Variants in CR2 observed in about 807,000 individuals in gnomAD.
CR2 encodes complement C3d receptor 2, also known as complement receptor type 2.
CR2 carries 96 observed loss-of-function variants against 123.0 expected under a neutral mutation model. The observed-to-expected ratio is 0.78, with a 90% CI of 0.66 to 0.93. The LOEUF is 0.93. Among genes scored for constraint, CR2 ranks in the 40% least tolerant of loss-of-function variants. CR2 has a pLI of 0.00. For synonymous variants in CR2, 484 were observed against 469.5 expected (o/e 1.03, Z -0.40); for missense variants, 1,258 against 1,361.0 (o/e 0.92, Z 1.19).
At chr1:207,469,005 C>A in intron 4 of CR2, 106 bp downstream of exon 4, 1 of 1,412,332 alleles carries the variant, frequency 7.1e-7, no homozygotes, top group Non-Finnish European at 1.0e-6. Flanking sequence ...TCTGGGCAGT[C>A]TGGGGTAGGG....
rs1404972580 is a variant in CR2, at chr1:207,474,843, A to T, written c.2343A>T (p.Pro781=). Residue 781 remains proline (P), a synonymous_variant, in exon 14 of 20, where the codon CCA becomes CCT. Transcript: ENST00000367057. ...CTGCAGTTATTCACTGTCACCCTCC[A>T]CCAGTGATTGTCAATGGGAAGCACA... ...PLCKVIHCHP[P]PVIVNGKHTG... 1 of 1,613,984 alleles carries T rather than the reference A, an allele frequency of 6.2e-7. No homozygotes were observed. Among genetic ancestry groups the T allele is most frequent in the Non-Finnish European group, 8.5e-7 (1 of 1,179,920 alleles).
intron 18 of CR2, among the ~76,000 whole-genome samples, chr1:207,483,440 G>A (rs773607258): frequency 3.9e-5 from 6 of 152,118 alleles, no homozygotes; most frequent in South Asian, 4.1e-4. Flanking sequence ...TACAGTTAGC[G>A]TGTACTTAGA....
chr1:207,461,174 T>TC (rs1263216486), intron 1 of CR2, among the ~76,000 whole-genome samples: 1 of 151,904 alleles, frequency 6.6e-6, no homozygotes, highest in Non-Finnish European at 1.5e-5. Context: ...TAATATCCGC[T>TC]CCCCCTACCA....
chr1:207,481,259 A>G (rs893916087), intron 18 of CR2, among the ~76,000 whole-genome samples: 1 of 152,028 alleles, frequency 6.6e-6, no homozygotes, highest in Non-Finnish European at 1.5e-5. Flanking sequence ...CAATTTTTTC[A>G]AAACCTATTT....
At chr1:207,475,290 A>G (rs1658406705) in intron 14 of CR2, 74 bp downstream of exon 14, 1 of 1,525,398 alleles carries the variant, frequency 6.6e-7, no homozygotes, top group Admixed American at 1.9e-5. Flanking sequence ...TCTGCACTTG[A>G]CATTCTGCCT....
In CR2 at chr1:207,476,422, G is replaced by A; in HGVS notation, c.2902+3G>A. On this transcript the variant is annotated splice_donor_region_variant and intron_variant, in intron 15 of 19. Transcript: ENST00000367057. ...CCAACCTGCCCCTCATTGTAAAGGT[G>A]CTTTGTCTATTTTTTATTCTTATTT... 1 of 1,612,496 alleles carries A rather than the reference G, an allele frequency of 6.2e-7. No homozygotes were observed. Among genetic ancestry groups the A allele is most frequent in the Non-Finnish European group, 8.5e-7 (1 of 1,179,498 alleles).
At chr1:207,478,525 C>CAAAAAAAAAAAAAAAAAA (rs36116544) in intron 16 of CR2, among the ~76,000 whole-genome samples, 1 of 58,742 alleles carries the variant, frequency 1.7e-5, no homozygotes. Flanking sequence ...AAGACCCTAT[C>CAAAAAAAAAAAAAAAAAA]AAAAAAAAAA....
chr1:207,475,379 T>A (rs182284648), intron 14 of CR2, among the ~76,000 whole-genome samples, 163 bp downstream of exon 14: 1 of 149,542 alleles, frequency 6.7e-6, no homozygotes, highest in African/African-American at 2.6e-5. Context: ...CACTTGATTG[T>A]TTGTTTTCTC....
At chr1:207,467,021 G>A in intron 2 of CR2, 109 bp downstream of exon 2, 2 of 1,297,958 alleles carry the variant, frequency 1.5e-6, no homozygotes, top group Non-Finnish European at 2.1e-6. Context: ...TAATGATGAG[G>A]GTGGAAGAAG....
intron 9 of CR2, among the ~76,000 whole-genome samples, chr1:207,472,520 C>G (rs971174532): frequency 6.6e-6 from 1 of 152,168 alleles, no homozygotes; most frequent in Non-Finnish European, 1.5e-5. Context: ...TAGCAATTTA[C>G]TACTGGGCCT....
intron 1 of CR2, among the ~76,000 whole-genome samples, chr1:207,455,446 A>G (rs1038903024): frequency 1.3e-5 from 2 of 152,232 alleles, no homozygotes; most frequent in African/African-American, 2.4e-5. Context: ...AGTCGTTACT[A>G]CTAAATATCA....
At chr1:207,487,722 T>C (rs1182068778) in intron 19 of CR2, among the ~76,000 whole-genome samples, 2 of 151,618 alleles carry the variant, frequency 1.3e-5, no homozygotes, top group Admixed American at 6.6e-5. Flanking sequence ...GAAAGAGTGA[T>C]GGCAGAAAGA....
At chr1:207,486,914 G>A (rs1411377708) in intron 19 of CR2, among the ~76,000 whole-genome samples, 1 of 152,186 alleles carries the variant, frequency 6.6e-6, no homozygotes, top group Admixed American at 6.5e-5. Context: ...AATAGACTTG[G>A]CAAGAAGACA....
Position 207,472,114 on chromosome 1 carries a change from T to G in CR2, c.1570+615T>G, listed in dbSNP as rs143219239. 286 of 170,874 alleles carry G rather than the reference T, an allele frequency of 1.7e-3. 2 individuals are homozygous for G. Among genetic ancestry groups the G allele is most frequent in the African/African-American group, 6.7e-3 (280 of 41,634 alleles). 10.6% of individuals were successfully genotyped at this position (170,874 alleles called of 1,614,324 possible). A position where few individuals can be genotyped will look rare whatever the true frequency, so the allele number is the denominator to read the frequency against. On this transcript the variant is annotated intron_variant, in intron 9 of 19. Transcript: ENST00000367057. The stretch of plus-strand genomic sequence containing the variant: ...AATACAAAAAATTAGCTGTGTGTGG[T>G]GGCATGCATCTGTGGTCCTAACTAC...
At chr1:207,482,646 T>C (rs1202259485) in intron 18 of CR2, among the ~76,000 whole-genome samples, 5 of 152,122 alleles carry the variant, frequency 3.3e-5, no homozygotes, top group Non-Finnish European at 7.4e-5. Flanking sequence ...ACAAGTACCA[T>C]AAAATAACGT....
Position 207,476,403 on chromosome 1 carries a change from T to C in CR2, c.2886T>C (p.Pro962=). 1 of 1,613,588 alleles carries C rather than the reference T, an allele frequency of 6.2e-7. No individual in the cohort carries two copies. Among genetic ancestry groups the C allele is most frequent in the Non-Finnish European group, 8.5e-7 (1 of 1,179,820 alleles). The change falls in exon 15 of 20, where the codon CCT becomes CCC. Residue 962 remains proline, a synonymous_variant. Coordinates refer to ENST00000367057, the MANE Select transcript of CR2 (RefSeq NM_001006658.3). ...LCTHEGTWSQ[P]APHCKEVNCS... is the part of the protein sequence containing the mutation. ...CACATGAGGGAACCTGGAGCCAACC[T>C]GCCCCTCATTGTAAAGGTGCTTTGT...
Position 207,473,645 on chromosome 1 carries a change from C to G in CR2, c.2079C>G (p.Gly693=), listed in dbSNP as rs1468659556. 1 of 1,614,030 alleles carries G rather than the reference C, an allele frequency of 6.2e-7. No homozygotes were observed. The part of the protein sequence containing the change: ...GMTVDYTCDP[G]YLLVGNKSIH... ...CTGTAGACTACACTTGTGACCCTGG[C>G]TATTTGCTTGTGGGAAACAAATCCA... The change falls in exon 11 of 20, where the codon GGC becomes GGG. Residue 693 remains glycine, a synonymous_variant. Coordinates refer to ENST00000367057, the MANE Select transcript of CR2 (RefSeq NM_001006658.3).
intron 18 of CR2, among the ~76,000 whole-genome samples, chr1:207,480,938 A>T (rs1658586772): frequency 6.6e-6 from 1 of 152,030 alleles, no homozygotes. Flanking sequence ...AATTGTGATT[A>T]CATTTAAGTC....
Position 207,466,894 on chromosome 1 carries a change from C to T in CR2, c.427C>T (p.Leu143=). 1 of 1,599,120 alleles carries T rather than the reference C, an allele frequency of 6.3e-7. No individual in the cohort carries two copies. ...QANNMWGPTR[L]PTCVSVFPLE... ...AAATAATATGTGGGGGCCGACACGA[C>T]TACCAACCTGTGTAAGTGGTGAGTA... is the stretch of plus-strand genomic sequence containing the variant. Residue 143 remains leucine, a synonymous_variant, in exon 2 of 20, where the codon CTA becomes TTA. Coordinates refer to ENST00000367057, the MANE Select transcript of CR2 (RefSeq NM_001006658.3).
Sources: gnomAD v4.1 joint callset for allele counts (sites outside exome capture counted in the v4.1 genomes callset) on GRCh38, gnomAD v4.1.1 for gene constraint, MANE v1.5 for transcripts, NCBI Gene and HGNC (gene_info 2026-07-23, HGNC 2026-07-21) for gene names.